The following NME8 variants were observed in gnomAD, a reference collection of about 807,000 sequenced individuals.
The protein encoded by NME8 is protein NME8.
A neutral mutation model predicts 82.3 loss-of-function variants in NME8; 72 were observed. The ratio of observed to expected loss-of-function variants is 0.87; its 90% CI spans 0.72 to 1.06. The LOEUF is 1.06. Ranked by LOEUF, NME8 falls within the 50% of genes least tolerant of loss-of-function variation. The probability of loss-of-function intolerance (pLI) is 0.00; values close to 1 mark genes in which losing one functional copy is unlikely to be tolerated. For synonymous variants in NME8, 267 were observed against 228.5 expected (o/e 1.17, Z -1.52); for missense variants, 712 against 685.4 (o/e 1.04, Z -0.43).
intron 11 of NME8, among the ~76,000 whole-genome samples, chr7:37,875,223 A>G (rs73119102): frequency 0.15 from 22,683 of 152,246 alleles, 1,928 homozygotes; most frequent in Middle Eastern, 0.24. Flanking sequence ...ACTACATGCA[A>G]TATATAATCC....
At chr7:37,855,604 T>G (rs1784499011) in intron 5 of NME8, among the ~76,000 whole-genome samples, 1 of 152,172 alleles carries the variant, frequency 6.6e-6, no homozygotes, top group South Asian at 2.1e-4. Context: ...CTTAAAGGCA[T>G]CTGGAAACTT....
At chr7:37,895,404 C>G (rs1180862057) in intron 16 of NME8, among the ~76,000 whole-genome samples, 1 of 152,070 alleles carries the variant, frequency 6.6e-6, no homozygotes, top group Admixed American at 6.6e-5. Context: ...AGTAGTTTTA[C>G]TAGAATTTCC....
At chr7:37,892,794 T>C (rs1785150550) in intron 15 of NME8, among the ~76,000 whole-genome samples, 1 of 152,112 alleles carries the variant, frequency 6.6e-6, no homozygotes, top group Non-Finnish European at 1.5e-5. Context: ...TTCTGATTTA[T>C]GATTTATGAT....
chr7:37,849,445 A>C (rs1784406859), intron 2 of NME8, among the ~76,000 whole-genome samples: 1 of 152,172 alleles, frequency 6.6e-6, no homozygotes, highest in Non-Finnish European at 1.5e-5. Flanking sequence ...AGGATAAGAT[A>C]GTGTGGCAGC....
intron 6 of NME8, 41 bp downstream of exon 6, chr7:37,857,386 GT>G (rs1562829203): frequency 7.5e-7 from 1 of 1,338,382 alleles, no homozygotes; most frequent in Admixed American, 1.7e-5. Flanking sequence ...TCAGATTCCA[GT>G]TTGCAGTTAA....
At chr7:37,849,091 G>C (rs1248377876) in intron 2 of NME8, 35 bp downstream of exon 2, 1 of 152,404 alleles carries the variant, frequency 6.6e-6, no homozygotes, top group Non-Finnish European at 1.5e-5. Flanking sequence ...ACCTTTCCTG[G>C]AATACAGTCT....
At chr7:37,850,857 T>C (rs1344058871) in intron 5 of NME8, 122 bp downstream of exon 5, 14 of 698,730 alleles carry the variant, frequency 2.0e-5, no homozygotes, top group Non-Finnish European at 5.1e-6. Flanking sequence ...ATAGATAGTC[T>C]TTACTTGGCA....
At chr7:37,854,545 G>T (rs1380416441) in intron 5 of NME8, among the ~76,000 whole-genome samples, 2 of 152,124 alleles carry the variant, frequency 1.3e-5, no homozygotes, top group Non-Finnish European at 2.9e-5. Context: ...TCCACCATTT[G>T]CTTTGGTTTC....
At chr7:37,871,298 G>A (rs1222526905) in intron 11 of NME8, among the ~76,000 whole-genome samples, 2 of 152,164 alleles carry the variant, frequency 1.3e-5, no homozygotes, top group African/African-American at 4.8e-5. Flanking sequence ...GAAGGGTGGG[G>A]GAAGAGCCAG....
At chr7:37,879,029 TTCTC>T (rs1471153831) in intron 12 of NME8, among the ~76,000 whole-genome samples, 1 of 152,130 alleles carries the variant, frequency 6.6e-6, no homozygotes, top group African/African-American at 2.4e-5. Context: ...ACTAATCTCT[TTCTC>T]TCTCCTAACC....
intron 15 of NME8, among the ~76,000 whole-genome samples, chr7:37,893,041 A>G (rs1263027524): frequency 6.6e-6 from 1 of 151,984 alleles, no homozygotes; most frequent in East Asian, 1.9e-4. Flanking sequence ...TTCATTTCTC[A>G]GCTCAGATTT....
intron 5 of NME8, among the ~76,000 whole-genome samples, chr7:37,856,730 A>C (rs1358100426): frequency 6.6e-6 from 1 of 152,212 alleles, no homozygotes; most frequent in Non-Finnish European, 1.5e-5. Context: ...TATTCAAGGA[A>C]TGTTTAGTAA....
In NME8 at chr7:37,865,082, C is replaced by G. The variant is rs142752912; in HGVS notation, c.529-443C>G. On this transcript the variant is annotated intron_variant, in intron 9 of 17. Coordinates refer to ENST00000199447, the MANE Select transcript of NME8 (RefSeq NM_016616.5). ...TACCAAATGTCATGTTCTCACATTT[C>G]AAAAACGAATCATGGTTTCTCAATA... Among the ~76,000 whole-genome samples, 18 of 152,298 alleles carry G rather than the reference C, an allele frequency of 1.2e-4. No homozygotes were observed. The East Asian group carries it at 3.3e-3, about 28-fold the overall frequency.
At chr7:37,880,280 A>G (rs1390931989) in intron 12 of NME8, among the ~76,000 whole-genome samples, 1 of 152,216 alleles carries the variant, frequency 6.6e-6, no homozygotes, top group African/African-American at 2.4e-5. Context: ...GCTAACCACA[A>G]GGTCACCTAG....
chr7:37,893,588 C>T (rs547923216), intron 15 of NME8, among the ~76,000 whole-genome samples: 6 of 152,114 alleles, frequency 3.9e-5, no homozygotes, highest in Admixed American at 6.6e-5. Context: ...GGTGATCACA[C>T]CTTATTTTTA....
At chr7:37,885,117 A>G in intron 13 of NME8, 28 bp from the exon 14 acceptor site, 1 of 1,436,910 alleles carries the variant, frequency 7.0e-7, no homozygotes, top group Non-Finnish European at 9.8e-7. Flanking sequence ...ACTTCTTATT[A>G]CCTCTTCTTT....
intron 15 of NME8, among the ~76,000 whole-genome samples, chr7:37,893,117 A>G (rs888958322): frequency 5.3e-5 from 8 of 152,060 alleles, no homozygotes; most frequent in African/African-American, 1.9e-4. Flanking sequence ...CAGGGGGTGA[A>G]TCTGTCTCAC....
intron 17 of NME8, among the ~76,000 whole-genome samples, chr7:37,899,816 A>G (rs1484210280): frequency 6.6e-6 from 1 of 152,186 alleles, no homozygotes; most frequent in East Asian, 1.9e-4. Flanking sequence ...CTGACCTGAG[A>G]GTCCTGCTGA....
chr7:37,900,032 C>G (rs955563692), intron 17 of NME8, among the ~76,000 whole-genome samples: 47 of 152,162 alleles, frequency 3.1e-4, no homozygotes, highest in African/African-American at 9.7e-4. Flanking sequence ...ATTTTTAACC[C>G]TGTCACAAAT....
Sources: allele counts gnomAD v4.1 joint callset (sites outside exome capture counted in the v4.1 genomes callset), GRCh38; gene constraint gnomAD v4.1.1; transcripts MANE v1.5; gene names NCBI Gene and HGNC (gene_info 2026-07-23, HGNC 2026-07-21).